The following FBXO41 variants were observed in gnomAD, a reference collection of about 807,000 sequenced individuals.
The protein encoded by FBXO41 is F-box protein 41.
In FBXO41, 33 loss-of-function variants were observed where a neutral mutation model predicts 81.6. The observed-to-expected ratio is 0.40, with a 90% CI of 0.31 to 0.54. The LOEUF (loss-of-function observed/expected upper bound fraction) is 0.54, where lower values mean the gene tolerates loss of function less well. FBXO41 is among the 20% of genes least tolerant of loss of function. The pLI, the probability that FBXO41 is intolerant of heterozygous loss-of-function variation, is 0.39. For synonymous variants in FBXO41, 576 were observed against 552.7 expected, an observed-to-expected ratio of 1.04 and a Z score of -0.59; for missense variants, 1,107 against 1,236.0, an observed-to-expected ratio of 0.90 and a Z score of 1.56.
chr2:73,264,787 C>A, intron 5 of FBXO41, among the ~76,000 whole-genome samples: 1 of 152,088 alleles, frequency 6.6e-6, no homozygotes, highest in East Asian at 1.9e-4. Flanking sequence ...AGAGGCAACA[C>A]ATCAGATTTG....
At position 73,260,638 on chromosome 2, in the gene FBXO41, C is replaced by G. The variant is rs1369410021; in HGVS notation, c.2291-91G>C. 1.3e-6 allele frequency: 2 copies of G among 1,532,650 alleles called. No individual in the cohort carries two copies. Among genetic ancestry groups the G allele is most frequent in the African/African-American group, 2.7e-5 (2 of 72,750 alleles). 94.9% of individuals were successfully genotyped at this position (1,532,650 alleles called of 1,614,324 possible). A position where few individuals can be genotyped will look rare whatever the true frequency, so the allele number is the denominator to read the frequency against. On this transcript the variant is annotated intron_variant, in intron 10 of 12. Transcript: ENST00000520530. The surrounding 1 kb of genome is among the most constrained non-coding windows in gnomAD (Gnocchi z 5.0). The stretch of plus-strand genomic sequence containing the variant: ...TGGCTACCACCCTGCCACCTGCCAC[C>G]ACCCAGGCTGCAGCCCCAAGCCCCT...
At position 73,266,710 on chromosome 2, in the gene FBXO41, G is replaced by T; in HGVS notation, c.906-28C>A. The T allele has an allele frequency of 6.6e-7, 1 of 1,522,654 alleles. No homozygotes were observed. The allele number at this position is 1,522,654 out of a possible 1,614,324, so 94.3% of individuals were successfully genotyped here. A position where few individuals can be genotyped will look rare whatever the true frequency, so the allele number is the denominator to read the frequency against. ...GGGCCCAGAGCAGTCTCTTACCCCA[G>T]AGCCTCAGCCTGCCTGCCCACCCAC... On this transcript the variant is annotated intron_variant, in intron 2 of 12. Coordinates refer to ENST00000520530, the MANE Select transcript of FBXO41 (RefSeq NM_001371389.2). This position sits in a 1 kb window ranked among gnomAD's most constrained non-coding sequence, Gnocchi z 5.3.
In FBXO41 at chr2:73,268,754, T is replaced by C; in HGVS notation, c.877A>G (p.Lys293Glu). ...TGCTTGCGGCTCAGCTCCTGTTCCT[T>C]GTGCACCAGGTCCTGCTTGAGTGAG... Reference protein sequence around the residue: ...LASLKQDLVHKEQELSRKQQE... With the variant: ...LASLKQDLVHEEQELSRKQQE... The change falls in exon 2 of 13, where the codon AAG (lysine) becomes GAG (glutamate). Residue 293 changes from lysine to glutamate, a missense_variant. Physicochemically the swap from Lys to Glu is moderately conservative, Grantham distance 56. Around this residue, in one of 2 missense-constraint regions of FBXO41, gnomAD observed 771 missense variants for 789.2 expected, o/e 0.98. Transcript: ENST00000520530. 2 of 1,565,232 alleles carry C rather than the reference T, an allele frequency of 1.3e-6. No homozygotes were observed. The highest frequency in any genetic ancestry group is 1.7e-6 in the Non-Finnish European group (2 of 1,153,176).
intron 1 of FBXO41, among the ~76,000 whole-genome samples, chr2:73,277,797 A>G (rs898610950): frequency 2.0e-4 from 31 of 152,200 alleles, no homozygotes; most frequent in African/African-American, 7.2e-4. Context: ...TTGCATTTCT[A>G]TGGCTTCCAC....
intron 1 of FBXO41, among the ~76,000 whole-genome samples, chr2:73,282,943 G>C (rs1574395327): frequency 1.3e-5 from 2 of 152,240 alleles, no homozygotes; most frequent in Non-Finnish European, 2.9e-5. Context: ...TGGCCTTCAG[G>C]GCCCAACAGT....
Position 73,269,312 on chromosome 2 carries a change from G to A in FBXO41, c.319C>T (p.His107Tyr). 6.5e-7 allele frequency: 1 copy of A among 1,527,986 alleles called. No homozygotes were observed. The highest frequency in any genetic ancestry group is 2.6e-5 in the East Asian group (1 of 37,906). The allele number at this position is 1,527,986 out of a possible 1,614,324, so 94.7% of individuals were successfully genotyped here. The change falls in exon 2 of 13, where the codon CAC (histidine) becomes TAC (tyrosine). Residue 107 changes from histidine to tyrosine, a missense_variant. Transcript: ENST00000520530. The surrounding 1 kb of genome is among the most constrained non-coding windows in gnomAD (Gnocchi z 7.0). ...GPSPAAPHLL[H>Y]HHHHHAPLAH... ...AGGGGAGCGTGGTGATGGTGGTGGT[G>A]CAGCAGGTGCGGCGCCGCGGGCGAC...
chr2:73,263,051 G>C (rs747470033), intron 9 of FBXO41, among the ~76,000 whole-genome samples, 162 bp downstream of exon 9: 61 of 152,162 alleles, frequency 4.0e-4, no homozygotes, highest in Non-Finnish European at 7.4e-4. Context: ...GACCAACCAG[G>C]TCTGATTTTA....
intron 1 of FBXO41, among the ~76,000 whole-genome samples, chr2:73,279,223 G>A (rs1262966019): frequency 2.0e-5 from 3 of 152,178 alleles, no homozygotes; most frequent in Admixed American, 6.5e-5. Flanking sequence ...CTGGGGAGAT[G>A]AGGATGTGAC....
Position 73,266,012 on chromosome 2 carries a change from C to A in FBXO41, c.1132-46G>T. Reference sequence around the variant, plus strand: ...AGGTAAAGGAGAGGGGCGGAGGAGGCAAGAGGATGAGCAGGAATAGCAGGG... The same window carrying A: ...AGGTAAAGGAGAGGGGCGGAGGAGGAAAGAGGATGAGCAGGAATAGCAGGG... On this transcript the variant is annotated intron_variant, in intron 3 of 12. Coordinates refer to ENST00000520530, the MANE Select transcript of FBXO41 (RefSeq NM_001371389.2). The surrounding 1 kb of genome is among the most constrained non-coding windows in gnomAD (Gnocchi z 5.3). 1 of 1,520,070 alleles carries A rather than the reference C, an allele frequency of 6.6e-7. No individual in the cohort carries two copies. The highest frequency in any genetic ancestry group is 8.9e-7 in the Non-Finnish European group (1 of 1,118,914). The allele number at this position is 1,520,070 out of a possible 1,614,324, so 94.2% of individuals were successfully genotyped here. A position where few individuals can be genotyped will look rare whatever the true frequency, so the allele number is the denominator to read the frequency against.
intron 9 of FBXO41, among the ~76,000 whole-genome samples, chr2:73,262,233 TAAA>T (rs34189596): frequency 7.0e-6 from 1 of 143,006 alleles, no homozygotes. Context: ...AAAAACTAAA[TAAA>T]AAAAAAAAAA....
At position 73,269,301 on chromosome 2, in the gene FBXO41, ATGG is replaced by A. The variant is rs1230527218; in HGVS notation, c.327_329del (p.His112del). On this transcript the variant is annotated inframe_deletion, in exon 2 of 13. Coordinates refer to ENST00000520530, the MANE Select transcript of FBXO41 (RefSeq NM_001371389.2). The surrounding 1 kb of genome is among the most constrained non-coding windows in gnomAD (Gnocchi z 7.0). ...GGAAGTGGGCGAGGGGAGCGTGGTGATGGTGGTGGTGCAGCAGGTGCGGCGCCG... is the reference window on the plus strand; with the variant it reads ...GGAAGTGGGCGAGGGGAGCGTGGTGATGGTGGTGCAGCAGGTGCGGCGCCG... 1.2e-5 allele frequency: 18 copies of A among 1,529,550 alleles called. No homozygotes were observed. In the East Asian group the frequency reaches 4.5e-4, roughly 38 times the overall value. 94.7% of individuals were successfully genotyped at this position (1,529,550 alleles called of 1,614,324 possible). A position where few individuals can be genotyped will look rare whatever the true frequency, so the allele number is the denominator to read the frequency against.
At chr2:73,271,788 G>A (rs1322471361) in intron 1 of FBXO41, among the ~76,000 whole-genome samples, 2 of 152,024 alleles carry the variant, frequency 1.3e-5, no homozygotes, top group Non-Finnish European at 2.9e-5. Flanking sequence ...GTGCCACCAC[G>A]CCCAGCTAAT....
At chr2:73,281,529 C>A (rs2103920735) in intron 1 of FBXO41, among the ~76,000 whole-genome samples, 1 of 152,336 alleles carries the variant, frequency 6.6e-6, no homozygotes, top group Admixed American at 6.5e-5. Flanking sequence ...GCAGAGGCTC[C>A]ATCAGCAGTA....
At chr2:73,281,830 A>G (rs1210149142) in intron 1 of FBXO41, among the ~76,000 whole-genome samples, 1 of 152,224 alleles carries the variant, frequency 6.6e-6, no homozygotes, top group East Asian at 1.9e-4. Context: ...GTGGTCTGTT[A>G]CAACCTAATG....
rs1574378972 is a variant in FBXO41 at position 73,263,780 on chromosome 2, T to C, written c.1973A>G (p.Asn658Ser). 4.3e-6 allele frequency: 7 copies of C among 1,613,864 alleles called. No homozygotes were observed. Among genetic ancestry groups the C allele is most frequent in the South Asian group, 3.3e-5 (3 of 91,088 alleles). Residue 658 changes from asparagine to serine, a missense_variant, in exon 8 of 13, where the codon AAC becomes AGC. This residue lies in a region of FBXO41 where 336 missense variants were observed against 446.7 expected (regional missense o/e 0.75). Coordinates refer to ENST00000520530, the MANE Select transcript of FBXO41 (RefSeq NM_001371389.2). ...LESLLKAAGG[N>S]LLILRISHCP... ...GTGGGAGATGCGCAGGATCAGCAGG[T>C]TCCCCCCAGCTGCCTTCAGCAGGGA...
chr2:73,271,179 G>T, intron 1 of FBXO41: 1 of 335,142 alleles, frequency 3.0e-6, no homozygotes, highest in Non-Finnish European at 5.9e-6. Flanking sequence ...CCGCATAGTT[G>T]TGTTGCCTTC....
rs368143126 is a variant in FBXO41 at position 73,259,293 on chromosome 2, A to T, written c.2453T>A (p.Ile818Asn). The T allele has an allele frequency of 6.2e-7, 1 of 1,613,864 alleles. No homozygotes were observed. The highest frequency in any genetic ancestry group is 8.5e-7 in the Non-Finnish European group (1 of 1,179,854). The change falls in exon 12 of 13, where the codon ATC (isoleucine) becomes AAC (asparagine). Residue 818 changes from isoleucine to asparagine, a missense_variant. Physicochemically the swap from Ile to Asn is moderately radical, Grantham distance 149. Transcript: ENST00000520530. The surrounding 1 kb of genome is among the most constrained non-coding windows in gnomAD (Gnocchi z 4.2). ...TPKALLHFNSICRNLKSIVVQ... is the reference protein window; with the variant it reads ...TPKALLHFNSNCRNLKSIVVQ... ...CACAATGGACTTGAGGTTCCGGCAG[A>T]TGCCTGAGAAAAGGTGAGCAAAGTA...
At chr2:73,280,187 C>T (rs1688809407) in intron 1 of FBXO41, among the ~76,000 whole-genome samples, 1 of 149,554 alleles carries the variant, frequency 6.7e-6, no homozygotes, top group African/African-American at 2.4e-5. Context: ...CCTCAGATCT[C>T]ATCAATCACT....
Position 73,257,956 on chromosome 2 carries a change from A to T in FBXO41, c.*1026T>A, listed in dbSNP as rs567060468. The T allele has an allele frequency of 1.3e-5, 2 of 152,294 alleles. No individual in the cohort carries two copies. The highest frequency in any genetic ancestry group is 2.9e-5 in the Non-Finnish European group (2 of 68,168). The allele number at this position is 152,294 out of a possible 1,614,324, so 9.4% of individuals were successfully genotyped here. A position where few individuals can be genotyped will look rare whatever the true frequency, so the allele number is the denominator to read the frequency against. On this transcript the variant is annotated 3_prime_UTR_variant, in exon 13 of 13. Coordinates refer to ENST00000520530, the MANE Select transcript of FBXO41 (RefSeq NM_001371389.2). This position sits in a 1 kb window ranked among gnomAD's most constrained non-coding sequence, Gnocchi z 4.6. The stretch of plus-strand genomic sequence containing the variant: ...ACATCTTCAAGCAAGCTAATTAGAC[A>T]AGGAAGCAAAGCAAGCCACCCTCCT...
Sources: allele counts gnomAD v4.1 joint callset (sites outside exome capture counted in the v4.1 genomes callset), GRCh38; gene constraint gnomAD v4.1.1; regional missense constraint gnomAD v4.1.1; non-coding constraint Gnocchi (gnomAD v3.1); transcripts MANE v1.5; gene names NCBI Gene and HGNC (gene_info 2026-07-23, HGNC 2026-07-21).